The following SEMA4B variants were observed in gnomAD, a reference collection of about 807,000 sequenced individuals.
The protein encoded by SEMA4B is semaphorin 4B.
A neutral mutation model predicts 88.1 loss-of-function variants in SEMA4B; 55 were observed. That is an observed-to-expected ratio of 0.62 (90% CI 0.50 to 0.78). The LOEUF (loss-of-function observed/expected upper bound fraction) is 0.78. Among genes scored for constraint, SEMA4B ranks in the 30% least tolerant of loss-of-function variants. The probability of loss-of-function intolerance (pLI) is 0.00; values close to 1 mark genes in which losing one functional copy is unlikely to be tolerated. For missense variants in SEMA4B, 1,062 were observed against 1,111.9 expected (o/e 0.96, Z 0.64); for synonymous variants, 525 against 473.6 (o/e 1.11, Z -1.41).
intron 9 of SEMA4B, 77 bp from the exon 10 acceptor site, chr15:90,224,891 C>T: frequency 8.1e-7 from 1 of 1,228,368 alleles, no homozygotes; most frequent in South Asian, 1.2e-5. Flanking sequence ...CGCTACTGTC[C>T]ACTGGGGAAG....
intron 1 of SEMA4B, among the ~76,000 whole-genome samples, chr15:90,209,483 A>T (rs199521937): frequency 6.6e-6 from 1 of 152,114 alleles, no homozygotes; most frequent in East Asian, 1.9e-4. Context: ...AGGCGGAAGA[A>T]TCGCTTGAAC....
chr15:90,210,811 A>G (rs6496645), intron 1 of SEMA4B, among the ~76,000 whole-genome samples: 85,405 of 151,894 alleles, frequency 0.56, 24,343 homozygotes, highest in East Asian at 0.83. Flanking sequence ...GCACTGCTGA[A>G]CGTGGGGCTG....
At chr15:90,201,858 A>G (rs774521695) in intron 1 of SEMA4B, 123 bp downstream of exon 1, 5 of 947,128 alleles carry the variant, frequency 5.3e-6, no homozygotes, top group Middle Eastern at 3.5e-4. Context: ...GGGATCCATT[A>G]GGACCCCTTC....
At position 90,212,393 on chromosome 15, in the gene SEMA4B, G is replaced by A. The variant is rs58828760; in HGVS notation, c.158-5046G>A. Among the ~76,000 whole-genome samples the A allele has an allele frequency of 0.16, 23,608 of 151,970 alleles. 2,671 individuals carry two copies. The highest frequency in any genetic ancestry group is 0.63 in the East Asian group (3,219 of 5,124). On this transcript the variant is annotated intron_variant, in intron 1 of 13. Transcript: ENST00000411539. This position sits in a 1 kb window ranked among gnomAD's most constrained non-coding sequence, Gnocchi z 4.0. ...GAATGGGAAAACCGGCCGCAGCCTCGGCGTGCCCTGCTTTCTTCATACTGG... is the reference window on the plus strand; with the variant it reads ...GAATGGGAAAACCGGCCGCAGCCTCAGCGTGCCCTGCTTTCTTCATACTGG...
chr15:90,227,720 G>A, intron 13 of SEMA4B, 78 bp downstream of exon 13: 4 of 1,518,250 alleles, frequency 2.6e-6, no homozygotes, highest in Non-Finnish European at 3.6e-6. Flanking sequence ...CACAGATGTT[G>A]TAAATGCCTT....
At chr15:90,218,656 T>G (rs908746396) in intron 3 of SEMA4B, among the ~76,000 whole-genome samples, 1 of 151,962 alleles carries the variant, frequency 6.6e-6, no homozygotes, top group Non-Finnish European at 1.5e-5. Context: ...CTACTAAAAA[T>G]ACAAAAAACA....
intron 1 of SEMA4B, among the ~76,000 whole-genome samples, chr15:90,209,388 T>TA (rs59511944): frequency 0.3 from 44,038 of 146,268 alleles, 6,801 homozygotes; most frequent in Non-Finnish European, 0.34. Context: ...CCATCTCTAC[T>TA]AAAAAAATAT....
chr15:90,220,918 T>C (rs2151619335), intron 4 of SEMA4B, 64 bp from the exon 5 acceptor site: 21 of 1,111,724 alleles, frequency 1.9e-5, no homozygotes, highest in Non-Finnish European at 2.8e-5. Context: ...CCTCTCTCTT[T>C]CTCACCAAGC....
Position 90,223,730 on chromosome 15 carries a change from A to C in SEMA4B, c.1033A>C (p.Thr345Pro). ...WRDTLFYGVF[T>P]SQWHRGTTEG... The stretch of plus-strand genomic sequence containing the variant: ...TGACACCCTTTTCTATGGGGTCTTC[A>C]CTTCCCAGTGGTAGGGCCTCCAGAC... The change falls in exon 8 of 14, where the codon ACT becomes CCT. Residue 345 changes from threonine to proline, a missense_variant. By Grantham distance (38) the Thr-to-Pro change is conservative. Coordinates refer to ENST00000411539, the MANE Select transcript of SEMA4B (RefSeq NM_198925.4). 6.2e-7 allele frequency: 1 copy of C among 1,606,540 alleles called. No individual in the cohort carries two copies.
intron 7 of SEMA4B, among the ~76,000 whole-genome samples, chr15:90,223,111 A>G (rs1322411824): frequency 2.0e-5 from 3 of 151,968 alleles, no homozygotes; most frequent in South Asian, 2.1e-4. Context: ...GACTACCAGC[A>G]TGCACCACCA....
intron 1 of SEMA4B, among the ~76,000 whole-genome samples, chr15:90,192,869 A>G (rs923740784): frequency 2.6e-5 from 4 of 152,128 alleles, no homozygotes; most frequent in Non-Finnish European, 5.9e-5. Context: ...GGTTACAGGC[A>G]TGAGCCACTG....
intron 3 of SEMA4B, 58 bp downstream of exon 3, chr15:90,217,887 C>G: frequency 6.8e-7 from 1 of 1,469,398 alleles, no homozygotes; most frequent in Non-Finnish European, 9.4e-7. Flanking sequence ...TGGTGGACTT[C>G]CATCCAGGCC....
intron 1 of SEMA4B, 79 bp from the exon 2 acceptor site, chr15:90,217,360 C>G (rs1961580206): frequency 1.4e-6 from 2 of 1,424,210 alleles, no homozygotes; most frequent in African/African-American, 2.8e-5. Context: ...TCCTTTAAAC[C>G]AGTCCATCTA....
chr15:90,203,177 T>A (rs1960827575), intron 1 of SEMA4B, among the ~76,000 whole-genome samples: 1 of 152,208 alleles, frequency 6.6e-6, no homozygotes, highest in Non-Finnish European at 1.5e-5. Context: ...TTTACTTCTG[T>A]ACATCTTGCC....
Position 90,201,468 on chromosome 15 carries a change from G to A in SEMA4B, c.-111G>A, listed in dbSNP as rs1010487563. On this transcript the variant is annotated 5_prime_UTR_variant, in exon 1 of 14. Transcript: ENST00000411539. ...CCTCCCGCCCCCCAGGTCCGGAGGC[G>A]GGGGCCCCCGGGGCGACTCGGGGGC... 2 of 1,305,048 alleles carry A rather than the reference G, an allele frequency of 1.5e-6. No individual in the cohort carries two copies. The highest frequency in any genetic ancestry group is 8.5e-5 in the Admixed American group (2 of 23,616). The allele number at this position is 1,305,048 out of a possible 1,614,324, so 80.8% of individuals were successfully genotyped here.
chr15:90,209,046 T>C (rs1348717548), intron 1 of SEMA4B, among the ~76,000 whole-genome samples: 1 of 152,202 alleles, frequency 6.6e-6, no homozygotes, highest in Non-Finnish European at 1.5e-5. Flanking sequence ...AGACACACTT[T>C]TGTGAGTGTG....
Position 90,223,819 on chromosome 15 carries a change from C to G in SEMA4B, c.1044-19C>G, listed in dbSNP as rs1961995414. 1 of 1,612,306 alleles carries G rather than the reference C, an allele frequency of 6.2e-7. No homozygotes were observed. Reference sequence around the variant, plus strand: ...GGGCCCCCAGGGCTCCTGGGTTAATCTGGTTATTTCCTCTGCAGGCACAGG... The same window carrying G: ...GGGCCCCCAGGGCTCCTGGGTTAATGTGGTTATTTCCTCTGCAGGCACAGG... On this transcript the variant is annotated intron_variant, in intron 8 of 13. Transcript: ENST00000411539.
chr15:90,228,732 C>T lies in SEMA4B; in HGVS notation c.*89C>T, dbSNP rs561205120. On this transcript the variant is annotated 3_prime_UTR_variant, in exon 14 of 14. Coordinates refer to ENST00000411539, the MANE Select transcript of SEMA4B (RefSeq NM_198925.4). ...TGGACCTCCCCTCCGCTCTGCTCTT[C>T]GTGGAACACGACCGTGGTGCCCGGC... 32 of 1,540,080 alleles carry T rather than the reference C, an allele frequency of 2.1e-5. No homozygotes were observed. The highest frequency in any genetic ancestry group is 2.5e-5 in the Non-Finnish European group (28 of 1,134,136).
At position 90,228,370 on chromosome 15, in the gene SEMA4B, C is replaced by T. The variant is rs764116581; in HGVS notation, c.2241C>T (p.Phe747=). Residue 747 remains phenylalanine, a synonymous_variant, in exon 14 of 14, where the codon TTC becomes TTT. Transcript: ENST00000411539. The part of the protein sequence containing the change: ...LYRHRNSMKV[F]LKQGECASVH... The stretch of plus-strand genomic sequence containing the variant: ...GGCACCGGAACAGCATGAAAGTCTT[C>T]CTGAAGCAGGGGGAATGTGCCAGCG... 7.5e-6 allele frequency: 12 copies of T among 1,600,424 alleles called. No individual in the cohort carries two copies. The South Asian group carries it at 7.9e-5, about 10-fold the overall frequency.
Sources: allele counts gnomAD v4.1 joint callset (sites outside exome capture counted in the v4.1 genomes callset), GRCh38; gene constraint gnomAD v4.1.1; non-coding constraint Gnocchi (gnomAD v3.1); transcripts MANE v1.5; gene names NCBI Gene and HGNC (gene_info 2026-07-23, HGNC 2026-07-21).